The following GRB10 variants were observed in gnomAD, a reference collection of about 807,000 sequenced individuals.
The protein encoded by GRB10 is growth factor receptor-bound protein 10.
A neutral mutation model predicts 80.9 loss-of-function variants in GRB10; 20 were observed. The observed-to-expected ratio is 0.25, with a 90% confidence interval of 0.17 to 0.36. The LOEUF (loss-of-function observed/expected upper bound fraction) is 0.36, where lower values mean the gene tolerates loss of function less well. Ranked by LOEUF, GRB10 falls within the 10% of genes least tolerant of loss-of-function variation. GRB10 has a pLI of 1.00. For synonymous variants in GRB10, 291 were observed against 291.5 expected (o/e 1.00, Z 0.02); for missense variants, 548 against 747.7 (o/e 0.73, Z 3.12).
intron 7 of GRB10, 54 bp from the exon 8 acceptor site, chr7:50,627,032 AT>A: frequency 6.4e-7 from 1 of 1,567,322 alleles, no homozygotes; most frequent in South Asian, 1.1e-5. Context: ...CTTTCAAGAA[AT>A]AAAAACTGAA....
intron 8 of GRB10, 34 bp downstream of exon 8, chr7:50,626,788 C>T (rs766593517): frequency 1.2e-6 from 2 of 1,613,466 alleles, no homozygotes; most frequent in African/African-American, 1.3e-5. Flanking sequence ...CATAAGCATC[C>T]CCAGGTGCCA....
chr7:50,689,548 G>A (rs901550558), intron 5 of GRB10, among the ~76,000 whole-genome samples: 7 of 152,106 alleles, frequency 4.6e-5, no homozygotes, highest in Non-Finnish European at 8.8e-5. Context: ...TCCAACACTT[G>A]CTGAGTCTCG....
intron 8 of GRB10, 68 bp from the exon 9 acceptor site, chr7:50,619,353 TGG>T: frequency 1.1e-6 from 1 of 896,556 alleles, no homozygotes; most frequent in Non-Finnish European, 1.9e-6. Context: ...TACAACCAAA[TGG>T]AAGATTTGTT....
intron 3 of GRB10, among the ~76,000 whole-genome samples, chr7:50,734,025 C>A (rs1267373559): frequency 6.6e-6 from 1 of 151,950 alleles, no homozygotes. Flanking sequence ...TAAAATAAAT[C>A]TTTATATATT....
chr7:50,719,512 T>C (rs1368243542), intron 4 of GRB10, among the ~76,000 whole-genome samples: 1 of 52,076 alleles, frequency 1.9e-5, no homozygotes, highest in Non-Finnish European at 3.5e-5. Context: ...CATCATACAC[T>C]GGGGCCTGTC....
chr7:50,721,378 A>T (rs2067707346), intron 4 of GRB10, among the ~76,000 whole-genome samples: 1 of 152,244 alleles, frequency 6.6e-6, no homozygotes, highest in South Asian at 2.1e-4. Context: ...CTGCCTGCCC[A>T]TGAGTCACAG....
chr7:50,738,168 C>A (rs7383871), intron 3 of GRB10, among the ~76,000 whole-genome samples: 122,478 of 152,178 alleles, frequency 0.8, 49,487 homozygotes, highest in Middle Eastern at 0.87. Context: ...TGCTGGTAGG[C>A]ATGCAAAATG....
chr7:50,741,303 AATT>A (rs1247104502), intron 3 of GRB10, among the ~76,000 whole-genome samples: 2 of 152,174 alleles, frequency 1.3e-5, no homozygotes, highest in Non-Finnish European at 2.9e-5. Flanking sequence ...ACATTTGCAA[AATT>A]ATTATTTTTT....
intron 7 of GRB10, among the ~76,000 whole-genome samples, chr7:50,656,343 G>T (rs1239481530): frequency 1.3e-5 from 2 of 152,192 alleles, no homozygotes; most frequent in African/African-American, 4.8e-5. Context: ...CAGCGGCAGT[G>T]AGCTGTGCTG....
At chr7:50,734,102 G>C (rs190766484) in intron 3 of GRB10, among the ~76,000 whole-genome samples, 10 of 151,992 alleles carry the variant, frequency 6.6e-5, no homozygotes, top group Admixed American at 6.6e-4. Flanking sequence ...ACACATATCG[G>C]TTTGGGTTCA....
At chr7:50,602,091 T>A (rs2153566737) in intron 17 of GRB10, among the ~76,000 whole-genome samples, 1 of 152,188 alleles carries the variant, frequency 6.6e-6, no homozygotes, top group South Asian at 2.1e-4. Context: ...CTTGTTTGCC[T>A]CTAGTGGAAG....
At chr7:50,763,332 T>A (rs1464765841) in intron 2 of GRB10, among the ~76,000 whole-genome samples, 1 of 152,186 alleles carries the variant, frequency 6.6e-6, no homozygotes, top group East Asian at 1.9e-4. Flanking sequence ...ACATGAGCTA[T>A]AATTGATAGC....
intron 7 of GRB10, among the ~76,000 whole-genome samples, chr7:50,628,347 T>C (rs1433350665): frequency 2.0e-5 from 3 of 152,072 alleles, no homozygotes; most frequent in Non-Finnish European, 4.4e-5. Context: ...CCTTTTCTTG[T>C]GTTTGGAAGG....
Position 50,782,784 on chromosome 7 carries a change from C to G in GRB10, c.-687G>C, listed in dbSNP as rs964183501. The stretch of plus-strand genomic sequence containing the variant: ...CCACGCAGGTGCCCGGGGGCCCCTC[C>G]GCGGAGCCGGCTGCCGCCCGGCTGC... On this transcript the variant is annotated 5_prime_UTR_variant, in exon 1 of 19. Coordinates refer to ENST00000401949, the MANE Select transcript of GRB10 (RefSeq NM_001350814.2). The surrounding 1 kb of genome is among the most constrained non-coding windows in gnomAD (Gnocchi z 6.6). 6.6e-6 allele frequency: 1 copy of G among 152,120 alleles called. No individual in the cohort carries two copies. Among genetic ancestry groups the G allele is most frequent in the Non-Finnish European group, 1.5e-5 (1 of 68,000 alleles). The allele number at this position is 152,120 out of a possible 1,614,324, so 9.4% of individuals were successfully genotyped here. A position where few individuals can be genotyped will look rare whatever the true frequency, so the allele number is the denominator to read the frequency against.
intron 3 of GRB10, among the ~76,000 whole-genome samples, chr7:50,753,513 A>G (rs1270757169): frequency 2.0e-5 from 3 of 152,144 alleles, no homozygotes; most frequent in Non-Finnish European, 4.4e-5. Flanking sequence ...TAAAGTTTGG[A>G]AACTACTTCC....
intron 1 of GRB10, among the ~76,000 whole-genome samples, chr7:50,788,182 G>A (rs2078772371): frequency 6.6e-6 from 1 of 152,234 alleles, no homozygotes; most frequent in Non-Finnish European, 1.5e-5. Flanking sequence ...TTATACTAAA[G>A]GGAACTCTTC....
rs1335452968 is a variant in GRB10, at chr7:50,674,541, G to A, written c.257C>T (p.Ala86Val). 1 of 1,611,504 alleles carries A rather than the reference G, an allele frequency of 6.2e-7. No individual in the cohort carries two copies. Among genetic ancestry groups the A allele is most frequent in the Non-Finnish European group, 8.5e-7 (1 of 1,179,990 alleles). Residue 86 changes from alanine to valine, a missense_variant, in exon 6 of 19, where the codon GCC (alanine) becomes GTC (valine). Physicochemically the swap from Ala to Val is moderately conservative, Grantham distance 64. This residue lies in a region of GRB10 where 245 missense variants were observed against 229.3 expected (regional missense o/e 1.07). Coordinates refer to ENST00000401949, the MANE Select transcript of GRB10 (RefSeq NM_001350814.2). ...TVPLLQNGQH[A>V]RSQPRASGPP... ...GCCTGAAGCCCGAGGCTGGCTGCGG[G>A]CATGCTGGCCATTCTGCAGGAGGGG...
rs1563390707 is a variant in GRB10, at chr7:50,674,513, A to C, written c.285T>G (p.Pro95=). The change falls in exon 6 of 19, where the codon CCT becomes CCG. Residue 95 remains proline, a synonymous_variant. Coordinates refer to ENST00000401949, the MANE Select transcript of GRB10 (RefSeq NM_001350814.2). ...HARSQPRASG[P]PRSIQPQVSP... ...ACACCTGTGGCTGGATGGACCGAGGAGGGCCTGAAGCCCGAGGCTGGCTGC... is the reference window on the plus strand; with the variant it reads ...ACACCTGTGGCTGGATGGACCGAGGCGGGCCTGAAGCCCGAGGCTGGCTGC... 1 of 1,610,280 alleles carries C rather than the reference A, an allele frequency of 6.2e-7. No homozygotes were observed. The highest frequency in any genetic ancestry group is 1.7e-4 in the Middle Eastern group (1 of 5,992).
intron 4 of GRB10, among the ~76,000 whole-genome samples, chr7:50,722,562 G>A (rs2067932000): frequency 6.6e-6 from 1 of 152,190 alleles, no homozygotes; most frequent in South Asian, 2.1e-4. Flanking sequence ...AAAGCCCTGT[G>A]ACAAGCACTC....
Sources: gnomAD v4.1 joint callset for allele counts (sites outside exome capture counted in the v4.1 genomes callset) on GRCh38, gnomAD v4.1.1 for gene constraint, gnomAD v4.1.1 regional missense constraint, Gnocchi (gnomAD v3.1) non-coding constraint, MANE v1.5 for transcripts, NCBI Gene and HGNC (gene_info 2026-07-23, HGNC 2026-07-21) for gene names.